The following GNAI1 variants were observed in gnomAD, a reference collection of about 807,000 sequenced individuals.
GNAI1 encodes the protein guanine nucleotide-binding protein G(i) subunit alpha-1.
GNAI1 carries 11 observed loss-of-function variants against 38.9 expected under a neutral mutation model. That is an observed-to-expected ratio of 0.28 (90% CI 0.18 to 0.47). GNAI1 has a LOEUF of 0.47. Ranked by LOEUF, GNAI1 falls within the 20% of genes least tolerant of loss-of-function variation. GNAI1 has a pLI of 0.99. For synonymous variants in GNAI1, 166 were observed against 145.1 expected (o/e 1.14, Z -1.04); for missense variants, 317 against 436.9 (o/e 0.73, Z 2.45).
In GNAI1 at chr7:80,225,885, G is replaced by GCA. The variant is rs145651168; in HGVS notation, c.*8405_*8406dup. 2.0e-5 allele frequency among the ~76,000 whole-genome samples: 3 copies of GCA among 151,666 alleles called. No individual in the cohort carries two copies. The highest frequency in any genetic ancestry group is 2.1e-4 in the South Asian group (1 of 4,824). On this transcript the variant is annotated 3_prime_UTR_variant, in exon 8 of 8. Coordinates refer to ENST00000649796, the MANE Select transcript of GNAI1 (RefSeq NM_002069.6). ...CTACCCTTGTCCTTGGAATGTGTATGCACACACACACACATCTGTGAGAAT... is the reference window on the plus strand; with the variant it reads ...CTACCCTTGTCCTTGGAATGTGTATGCACACACACACACACATCTGTGAGAAT...
At chr7:80,152,588 A>C (rs955617321) in intron 1 of GNAI1, among the ~76,000 whole-genome samples, 1 of 109,476 alleles carries the variant, frequency 9.1e-6, no homozygotes, top group South Asian at 2.9e-4. Context: ...TTTGAAACGT[A>C]GTCTTGCTCT....
intron 4 of GNAI1, 151 bp downstream of exon 4, chr7:80,199,533 T>C (rs555893025): frequency 6.0e-5 from 35 of 579,458 alleles, no homozygotes; most frequent in African/African-American, 4.5e-4. Flanking sequence ...CTTTGTCTTA[T>C]GTGTGTTGTG....
chr7:80,182,826 A>C (rs73378676), intron 1 of GNAI1, among the ~76,000 whole-genome samples: 4,181 of 152,324 alleles, frequency 0.027, 110 homozygotes, highest in African/African-American at 0.073. Flanking sequence ...GTCCTCAAGT[A>C]AGAAGACTTC....
intron 1 of GNAI1, among the ~76,000 whole-genome samples, chr7:80,169,529 T>C (rs1788067157): frequency 6.6e-6 from 1 of 152,184 alleles, no homozygotes; most frequent in African/African-American, 2.4e-5. Flanking sequence ...TTAGGAACAG[T>C]TTGCTCTTAG....
At chr7:80,204,422 A>T (rs1328142946) in intron 5 of GNAI1, among the ~76,000 whole-genome samples, 1 of 152,100 alleles carries the variant, frequency 6.6e-6, no homozygotes, top group South Asian at 2.1e-4. Flanking sequence ...CTTGGAGTGC[A>T]TATTTTTCCA....
At chr7:80,166,247 G>C (rs1255444713) in intron 1 of GNAI1, among the ~76,000 whole-genome samples, 2 of 152,106 alleles carry the variant, frequency 1.3e-5, no homozygotes, top group Admixed American at 6.5e-5. Context: ...TCTTTGCACT[G>C]GGGAATCTTT....
intron 5 of GNAI1, among the ~76,000 whole-genome samples, chr7:80,205,425 C>T (rs771736643): frequency 2.6e-5 from 4 of 151,872 alleles, no homozygotes; most frequent in Non-Finnish European, 4.4e-5. Context: ...TTTATAGATA[C>T]GTTGACCCAA....
In GNAI1 at chr7:80,217,963, AT is replaced by A. The variant is rs1285642539; in HGVS notation, c.*472del. 3.9e-5 allele frequency: 6 copies of A among 152,580 alleles called. No individual in the cohort carries two copies. The highest frequency in any genetic ancestry group is 1.4e-4 in the African/African-American group (6 of 41,456). The allele number at this position is 152,580 out of a possible 1,614,324, so 9.5% of individuals were successfully genotyped here. A position where few individuals can be genotyped will look rare whatever the true frequency, so the allele number is the denominator to read the frequency against. On this transcript the variant is annotated 3_prime_UTR_variant, in exon 8 of 8. Coordinates refer to ENST00000649796, the MANE Select transcript of GNAI1 (RefSeq NM_002069.6). ...GTCCTGTAAATTTTTAAGTACAGTA[AT>A]TAATATTAGGAAACATTACAGCCCT...
chr7:80,215,823 G>A (rs1411494344), intron 7 of GNAI1, among the ~76,000 whole-genome samples: 1 of 152,190 alleles, frequency 6.6e-6, no homozygotes, highest in African/African-American at 2.4e-5. Flanking sequence ...TAGATGGAGT[G>A]CCAATTTTGA....
At chr7:80,207,380 A>G (rs1788794564) in intron 5 of GNAI1, among the ~76,000 whole-genome samples, 1 of 152,026 alleles carries the variant, frequency 6.6e-6, no homozygotes, top group African/African-American at 2.4e-5. Flanking sequence ...CATCCAGCAA[A>G]TACTGGGATT....
chr7:80,168,990 C>T (rs1008497190), intron 1 of GNAI1, among the ~76,000 whole-genome samples: 2 of 152,154 alleles, frequency 1.3e-5, no homozygotes, highest in African/African-American at 2.4e-5. Flanking sequence ...ACTTACGCTT[C>T]ATTTTGTTTC....
At chr7:80,182,679 A>C (rs1446137456) in intron 1 of GNAI1, among the ~76,000 whole-genome samples, 1 of 152,360 alleles carries the variant, frequency 6.6e-6, no homozygotes, top group African/African-American at 2.4e-5. Context: ...CAGAAAGAAA[A>C]TATTTTCATT....
In GNAI1 at chr7:80,149,685, G is replaced by A. The variant is rs568554534; in HGVS notation, c.118+14407G>A. On this transcript the variant is annotated intron_variant, in intron 1 of 7. Coordinates refer to ENST00000649796, the MANE Select transcript of GNAI1 (RefSeq NM_002069.6). ...ATACTTTACATGTTTGTATATTCCC[G>A]CTTTCCCATGTACTTTTTGATTTTG... is the stretch of plus-strand genomic sequence containing the variant. Among the ~76,000 whole-genome samples the A allele has an allele frequency of 4.3e-4, 66 of 152,086 alleles. 1 individual carries two copies. The highest frequency in any genetic ancestry group is 1.4e-3 in the African/African-American group (58 of 41,526).
At chr7:80,145,917 T>C (rs900056469) in intron 1 of GNAI1, among the ~76,000 whole-genome samples, 1 of 152,114 alleles carries the variant, frequency 6.6e-6, no homozygotes, top group South Asian at 2.1e-4. Flanking sequence ...GTAGAGCCAG[T>C]ATGAGGTAGC....
At chr7:80,189,881 A>G (rs1788450167) in intron 3 of GNAI1, among the ~76,000 whole-genome samples, 2 of 152,084 alleles carry the variant, frequency 1.3e-5, no homozygotes, top group Admixed American at 1.3e-4. Context: ...CATTTGGCCC[A>G]ATAACTTGTT....
chr7:80,197,079 C>G (rs538197300), intron 3 of GNAI1, among the ~76,000 whole-genome samples: 37 of 151,646 alleles, frequency 2.4e-4, no homozygotes, highest in Middle Eastern at 6.8e-3. Flanking sequence ...TCTCTATTTT[C>G]TCTTTCCTCT....
chr7:80,212,368 A>G (rs1203772621), intron 6 of GNAI1, among the ~76,000 whole-genome samples: 3 of 152,174 alleles, frequency 2.0e-5, no homozygotes, highest in Non-Finnish European at 2.9e-5. Flanking sequence ...TTATCTTCTA[A>G]TGGAAATTTA....
Position 80,225,072 on chromosome 7 carries a change from A to T in GNAI1, c.*7579A>T, listed in dbSNP as rs144048994. On this transcript the variant is annotated 3_prime_UTR_variant, in exon 8 of 8. Transcript: ENST00000649796. ...GAATGCTAAAATTTGAATGTGGAAG[A>T]TGTGGGTCTTGGTGTCTTGAATAAA... 1.3e-5 allele frequency among the ~76,000 whole-genome samples: 2 copies of T among 152,328 alleles called. No homozygotes were observed. Among genetic ancestry groups the T allele is most frequent in the Non-Finnish European group, 2.9e-5 (2 of 68,034 alleles).
intron 5 of GNAI1, among the ~76,000 whole-genome samples, chr7:80,204,358 A>T (rs948030820): frequency 6.6e-6 from 1 of 152,108 alleles, no homozygotes; most frequent in Non-Finnish European, 1.5e-5. Flanking sequence ...ATATCCACTT[A>T]CTGAGGTCGG....
Sources: gnomAD v4.1 joint callset for allele counts (sites outside exome capture counted in the v4.1 genomes callset) on GRCh38, gnomAD v4.1.1 for gene constraint, MANE v1.5 for transcripts, NCBI Gene and HGNC (gene_info 2026-07-23, HGNC 2026-07-21) for gene names.